Variants in CATSPERE observed in about 807,000 individuals in gnomAD.
The protein encoded by CATSPERE is cation channel sperm-associated auxiliary subunit epsilon.
CATSPERE carries 93 observed loss-of-function variants against 114.1 expected under a neutral mutation model. The ratio of observed to expected loss-of-function variants is 0.81; its 90% CI spans 0.69 to 0.97. The LOEUF is 0.97. CATSPERE is among the 50% of genes least tolerant of loss of function. CATSPERE has a pLI of 0.00. For synonymous variants in CATSPERE, 341 were observed against 384.1 expected, an observed-to-expected ratio of 0.89 and a Z score of 1.31; for missense variants, 1,058 against 1,131.6, an observed-to-expected ratio of 0.93 and a Z score of 0.93.
rs61291602 is a variant in CATSPERE at position 244,557,532 on chromosome 1, CATATAT to C, written c.1030-3090_1030-3085del. Among the ~76,000 whole-genome samples, 201 of 40,532 alleles carry C rather than the reference CATATAT, an allele frequency of 5.0e-3. 2 individuals carry two copies. Among genetic ancestry groups the C allele is most frequent in the Middle Eastern group, 0.028 (1 of 36 alleles). The allele number at this position is 40,532 out of a possible 152,430, so 26.6% of individuals were successfully genotyped here. On this transcript the variant is annotated intron_variant, in intron 9 of 21. Coordinates refer to ENST00000366534, the MANE Select transcript of CATSPERE (RefSeq NM_001130957.2). ...TATATATAATTTTATTTGAAATATT[CATATAT>C]ATATATATATATATATATATATATA...
chr1:244,545,387 CTG>C (rs1659583353), intron 8 of CATSPERE, among the ~76,000 whole-genome samples: 1 of 152,186 alleles, frequency 6.6e-6, no homozygotes. Context: ...GCCCAAAAAG[CTG>C]TGAGTTTTCA....
chr1:244,454,071 G>T (rs1301424163), upstream of CATSPERE, among the ~76,000 whole-genome samples: 4 of 152,166 alleles, frequency 2.6e-5, no homozygotes, highest in African/African-American at 9.7e-5. Context: ...CTTTGTGTGC[G>T]TTTGTATATG....
At chr1:244,492,557 C>A (rs1572384068) in intron 6 of CATSPERE, among the ~76,000 whole-genome samples, 4 of 151,018 alleles carry the variant, frequency 2.6e-5, no homozygotes, top group Admixed American at 6.6e-5. Flanking sequence ...CCCTCTCTCA[C>A]CACTCCTATT....
chr1:244,470,434 A>G (rs1034791345), intron 2 of CATSPERE, among the ~76,000 whole-genome samples: 7 of 152,242 alleles, frequency 4.6e-5, no homozygotes, highest in African/African-American at 1.4e-4. Flanking sequence ...CATCCCCATC[A>G]GGGAAATGGA....
At position 244,461,303 on chromosome 1, in the gene CATSPERE, G is replaced by C. The variant is rs555699231; in HGVS notation, c.-127G>C. On this transcript the variant is annotated 5_prime_UTR_variant, in exon 1 of 22. Coordinates refer to ENST00000366534, the MANE Select transcript of CATSPERE (RefSeq NM_001130957.2). ...TCTCCCTCGCTGGTCTTCAGGCCCG[G>C]CCCGCCCTGTCCAGAGGCGCCGGGA... The C allele has an allele frequency of 1.3e-6, 1 of 779,026 alleles. No individual in the cohort carries two copies. Among genetic ancestry groups the C allele is most frequent in the Non-Finnish European group, 1.8e-6 (1 of 569,410 alleles). The allele number at this position is 779,026 out of a possible 1,614,324, so 48.3% of individuals were successfully genotyped here.
chr1:244,536,513 G>T (rs188371422), intron 8 of CATSPERE, among the ~76,000 whole-genome samples: 1 of 152,312 alleles, frequency 6.6e-6, no homozygotes, highest in East Asian at 1.9e-4. Context: ...AGTTCTGCCT[G>T]GTGTTGCTTT....
chr1:244,567,844 G>A (rs920960694), intron 10 of CATSPERE, among the ~76,000 whole-genome samples: 2 of 151,946 alleles, frequency 1.3e-5, no homozygotes, highest in Non-Finnish European at 2.9e-5. Context: ...ACTTATGTCA[G>A]TTCATCAAAC....
intron 17 of CATSPERE, among the ~76,000 whole-genome samples, chr1:244,604,271 G>C (rs1264531747): frequency 6.6e-6 from 1 of 152,254 alleles, no homozygotes; most frequent in Non-Finnish European, 1.5e-5. Flanking sequence ...AGTCATGCCT[G>C]TTTGAGAACT....
At chr1:244,589,155 A>T (rs796407700) in intron 14 of CATSPERE, among the ~76,000 whole-genome samples, 4 of 152,312 alleles carry the variant, frequency 2.6e-5, no homozygotes, top group African/African-American at 9.6e-5. Context: ...GCATACACAA[A>T]TCTGTTTAGC....
intron 6 of CATSPERE, among the ~76,000 whole-genome samples, chr1:244,490,975 G>A (rs1407307160): frequency 6.6e-6 from 1 of 152,040 alleles, no homozygotes; most frequent in Non-Finnish European, 1.5e-5. Context: ...AAGCCTTGTA[G>A]GATTCTTAAT....
At chr1:244,584,257 AG>A (rs1393690221) in intron 13 of CATSPERE, among the ~76,000 whole-genome samples, 5 of 152,218 alleles carry the variant, frequency 3.3e-5, no homozygotes, top group African/African-American at 1.2e-4. Context: ...AAAAATAAAA[AG>A]ACAGGGTACC....
intron 7 of CATSPERE, among the ~76,000 whole-genome samples, chr1:244,506,222 C>T (rs369459372): frequency 3.3e-5 from 5 of 152,252 alleles, no homozygotes; most frequent in Admixed American, 6.5e-5. Flanking sequence ...AGAATTTCTT[C>T]CCTTTTTAAG....
intron 7 of CATSPERE, among the ~76,000 whole-genome samples, chr1:244,500,500 C>G (rs1673860292): frequency 6.6e-6 from 1 of 152,078 alleles, no homozygotes; most frequent in Non-Finnish European, 1.5e-5. Flanking sequence ...AGTCTTTAAT[C>G]CATCTTAAGT....
chr1:244,604,080 A>G (rs946213954), intron 17 of CATSPERE, among the ~76,000 whole-genome samples: 1 of 152,266 alleles, frequency 6.6e-6, no homozygotes, highest in African/African-American at 2.4e-5. Flanking sequence ...TCCTAGAATT[A>G]GAGCTTTGCT....
Position 244,518,592 on chromosome 1 carries a change from A to T in CATSPERE, c.430A>T (p.Asn144Tyr). The change falls in exon 8 of 22, where the codon AAT (asparagine) becomes TAT (tyrosine). Residue 144 changes from asparagine (N) to tyrosine (Y), a missense_variant and splice_region_variant. Coordinates refer to ENST00000366534, the MANE Select transcript of CATSPERE (RefSeq NM_001130957.2). ...LLGNAEEPSI[N>Y]SIVLSTQMAT... ...AATGAAATTTAATTTGTTTTTACAG[A>T]ATTCCATAGTACTCAGCACACAGAT... is the stretch of plus-strand genomic sequence containing the variant. The T allele has an allele frequency of 6.5e-7, 1 of 1,535,676 alleles. No homozygotes were observed. The highest frequency in any genetic ancestry group is 9.0e-7 in the Non-Finnish European group (1 of 1,111,718).
chr1:244,547,078 A>G (rs3005992), intron 8 of CATSPERE, among the ~76,000 whole-genome samples: 151,182 of 152,278 alleles, frequency 0.99, 75,056 homozygotes, highest in Middle Eastern at 1. Context: ...CCTGAAAGCA[A>G]CAAGAGAAAA....
intron 17 of CATSPERE, among the ~76,000 whole-genome samples, chr1:244,595,867 A>G (rs1265376978): frequency 6.6e-6 from 1 of 152,120 alleles, no homozygotes; most frequent in African/African-American, 2.4e-5. Context: ...CAGGAGGCGG[A>G]GCTTGCAGTG....
At chr1:244,606,753 C>G (rs1457728781) in intron 18 of CATSPERE, among the ~76,000 whole-genome samples, 1 of 151,932 alleles carries the variant, frequency 6.6e-6, no homozygotes, top group African/African-American at 2.4e-5. Context: ...AGGCACATGC[C>G]ACTACACCTG....
chr1:244,635,860 C>T (rs1435131841), intron 21 of CATSPERE, among the ~76,000 whole-genome samples: 1 of 152,072 alleles, frequency 6.6e-6, no homozygotes, highest in Non-Finnish European at 1.5e-5. Flanking sequence ...TCCCTGAAGC[C>T]CTGGTACTTC....
Sources: allele counts gnomAD v4.1 joint callset (sites outside exome capture counted in the v4.1 genomes callset), GRCh38; gene constraint gnomAD v4.1.1; transcripts MANE v1.5; gene names NCBI Gene and HGNC (gene_info 2026-07-23, HGNC 2026-07-21).